Variants in ALDOB observed in about 807,000 individuals in gnomAD.
ALDOB encodes fructose-bisphosphate aldolase B.
ALDOB carries 39 observed loss-of-function variants against 41.0 expected under a neutral mutation model. That is an observed-to-expected ratio of 0.95 (90% CI 0.74 to 1.24). ALDOB has a LOEUF of 1.24. Ranked by LOEUF, ALDOB falls within the 50% of genes most tolerant of loss-of-function variation. The probability of loss-of-function intolerance (pLI) is 0.00; values close to 1 mark genes in which losing one functional copy is unlikely to be tolerated. For missense variants in ALDOB, 530 were observed against 457.3 expected, an observed-to-expected ratio of 1.16 and a Z score of -1.45; for synonymous variants, 175 against 168.8, an observed-to-expected ratio of 1.04 and a Z score of -0.28.
intron 4 of ALDOB, among the ~76,000 whole-genome samples, chr9:101,427,874 C>T (rs951511966): frequency 4.6e-5 from 7 of 152,080 alleles, no homozygotes; most frequent in Admixed American, 3.9e-4. Flanking sequence ...ATAGAAGAAA[C>T]CAATAGTTAA....
At chr9:101,429,313 A>G (rs921565252) in intron 3 of ALDOB, among the ~76,000 whole-genome samples, 6 of 151,804 alleles carry the variant, frequency 4.0e-5, no homozygotes, top group Admixed American at 3.3e-4. Flanking sequence ...ATGCACCAAC[A>G]CATCTGGCTA....
intron 2 of ALDOB, among the ~76,000 whole-genome samples, chr9:101,430,448 ATTTAAACTGAC>A (rs1351732923): frequency 7.2e-5 from 11 of 152,172 alleles, no homozygotes; most frequent in Non-Finnish European, 1.2e-4. Context: ...ACTCAACTGA[ATTTAAACTGAC>A]TTTAAACTGA....
intron 2 of ALDOB, among the ~76,000 whole-genome samples, chr9:101,430,177 T>C (rs1239606984): frequency 6.6e-6 from 1 of 152,288 alleles, no homozygotes; most frequent in East Asian, 1.9e-4. Flanking sequence ...GCTGGGCATA[T>C]AGAGGTCAGG....
rs139442303 is a variant in ALDOB, at chr9:101,427,493, T to G, written c.529A>C (p.Ile177Leu). The G allele has an allele frequency of 6.0e-5, 97 of 1,614,058 alleles. No individual in the cohort carries two copies. The highest frequency in any genetic ancestry group is 3.3e-4 in the Admixed American group (20 of 60,014). ...NANALARYAS[I>L]CQQNGLVPIV... ...GGAAGGCAGAGCACCTGCTGACAGA[T>G]GCTGGCGTAGCGAGCCAGGGCGTTG... Residue 177 changes from isoleucine to leucine, a missense_variant, in exon 5 of 9, where the codon ATC (isoleucine) becomes CTC (leucine). By Grantham distance (5) the Ile-to-Leu change is conservative (BLOSUM62 2). Coordinates refer to ENST00000647789, the MANE Select transcript of ALDOB (RefSeq NM_000035.4).
intron 8 of ALDOB, among the ~76,000 whole-genome samples, chr9:101,422,759 G>A (rs1297403560): frequency 1.3e-5 from 2 of 152,204 alleles, no homozygotes; most frequent in African/African-American, 4.8e-5. Flanking sequence ...TGGAAGAGAA[G>A]ATTTGGAATG....
Position 101,430,783 on chromosome 9 carries a change from T to C in ALDOB, c.105A>G (p.Glu35=), listed in dbSNP as rs770470240. The change falls in exon 2 of 9, where the codon GAA becomes GAG. Residue 35 remains glutamate, a synonymous_variant. Transcript: ENST00000647789. ...ANGKGILAAD[E]SVGTMGNRLQ... ...ACTGCTTTTTACACTCACCTACAGA[T>C]TCATCTGCAGCCAGGATCCCCTTTC... 27 of 1,612,052 alleles carry C rather than the reference T, an allele frequency of 1.7e-5. No homozygotes were observed. The highest frequency in any genetic ancestry group is 2.2e-5 in the Non-Finnish European group (26 of 1,178,166).
intron 8 of ALDOB, among the ~76,000 whole-genome samples, chr9:101,424,112 T>C (rs954078987): frequency 1.3e-5 from 2 of 152,250 alleles, no homozygotes; most frequent in African/African-American, 4.8e-5. Flanking sequence ...CATGTTATTA[T>C]TGGCCCTTTG....
Position 101,429,790 on chromosome 9 carries a change from T to A in ALDOB, c.289A>T (p.Ile97Phe), listed in dbSNP as rs771004498. 3.1e-6 allele frequency: 5 copies of A among 1,614,046 alleles called. No homozygotes were observed. The part of the protein sequence containing the change: ...KDSQGKLFRN[I>F]LKEKGIVVGI... The stretch of plus-strand genomic sequence containing the variant: ...ACCACGATCCCCTTTTCCTTGAGGA[T>A]GTTTCTGAACAGCTTTCCCTGGCTG... Residue 97 changes from isoleucine to phenylalanine, a missense_variant, in exon 3 of 9, where the codon ATC (isoleucine) becomes TTC (phenylalanine). Transcript: ENST00000647789.
chr9:101,430,476 A>G (rs1486927741), intron 2 of ALDOB, among the ~76,000 whole-genome samples: 2 of 152,120 alleles, frequency 1.3e-5, no homozygotes, highest in African/African-American at 4.8e-5. Flanking sequence ...CTGACTTCTC[A>G]CTAGTAGCAG....
chr9:101,425,563 T>TTTAGCA lies in ALDOB; in HGVS notation c.683_688dup (p.Leu229_Lys230insMetLeu), dbSNP rs1478306331. On this transcript the variant is annotated inframe_insertion, in exon 7 of 9. Coordinates refer to ENST00000647789, the MANE Select transcript of ALDOB (RefSeq NM_000035.4). ...ATGTCCAGCAGTCACCATGTTGGGCTTTAGCAGGGTGCCCTCCAGGTAAAC... is the reference window on the plus strand; with the variant it reads ...ATGTCCAGCAGTCACCATGTTGGGCTTTAGCATTAGCAGGGTGCCCTCCAGGTAAAC... 2 of 1,614,154 alleles carry TTTAGCA rather than the reference T, an allele frequency of 1.2e-6. No individual in the cohort carries two copies. Among genetic ancestry groups the TTTAGCA allele is most frequent in the Non-Finnish European group, 1.7e-6 (2 of 1,180,030 alleles).
At chr9:101,427,760 T>A in intron 4 of ALDOB, 118 bp from the exon 5 acceptor site, 1 of 1,244,252 alleles carries the variant, frequency 8.0e-7, no homozygotes, top group Non-Finnish European at 1.1e-6. Context: ...TGCTTGAGGA[T>A]TGAAAACAGC....
Position 101,428,519 on chromosome 9 carries a change from T to A in ALDOB, c.329A>T (p.Asp110Val), listed in dbSNP as rs1203633267. 2 of 1,613,706 alleles carry A rather than the reference T, an allele frequency of 1.2e-6. No homozygotes were observed. The highest frequency in any genetic ancestry group is 1.7e-6 in the Non-Finnish European group (2 of 1,179,576). The change falls in exon 4 of 9, where the codon GAC becomes GTC. Residue 110 changes from aspartate to valine, a missense_variant. Coordinates refer to ENST00000647789, the MANE Select transcript of ALDOB (RefSeq NM_000035.4). ...EKGIVVGIKL[D>V]QGGAPLAGTN... ...TCCTGCAAGAGGAGCACCTCCTTGG[T>A]CTAACTGTGGATACAAATAATTAAC...
chr9:101,426,277 T>C (rs949912971), intron 6 of ALDOB, among the ~76,000 whole-genome samples: 1 of 152,208 alleles, frequency 6.6e-6, no homozygotes, highest in Non-Finnish European at 1.5e-5. Context: ...TGTAATTGAA[T>C]TGAAGTCAAA....
At chr9:101,434,501 G>A (rs1434707494) in intron 1 of ALDOB, among the ~76,000 whole-genome samples, 1 of 152,180 alleles carries the variant, frequency 6.6e-6, no homozygotes, top group African/African-American at 2.4e-5. Context: ...CTATGTACAA[G>A]ACAAATGGAT....
chr9:101,435,137 C>T (rs916446679), intron 1 of ALDOB, among the ~76,000 whole-genome samples: 5 of 152,114 alleles, frequency 3.3e-5, no homozygotes, highest in Non-Finnish European at 7.3e-5. Context: ...CAAATGATGA[C>T]TATGCTCTGT....
At chr9:101,425,395 G>A (rs772207233) in intron 7 of ALDOB, 58 bp downstream of exon 7, 8 of 1,587,748 alleles carry the variant, frequency 5.0e-6, no homozygotes, top group Non-Finnish European at 6.9e-6. Flanking sequence ...CAGAAAGCTT[G>A]TGGCTCTCCA....
intron 2 of ALDOB, 77 bp from the exon 3 acceptor site, chr9:101,430,043 G>T: frequency 1.6e-6 from 2 of 1,241,556 alleles, no homozygotes; most frequent in East Asian, 4.6e-5. Flanking sequence ...TCATCTCAGA[G>T]ACCCTCACCA....
intron 7 of ALDOB, among the ~76,000 whole-genome samples, 169 bp downstream of exon 7, chr9:101,425,281 GGCA>G (rs1450927976): frequency 1.3e-5 from 2 of 152,156 alleles, no homozygotes; most frequent in African/African-American, 4.8e-5. Context: ...TGGGCATTTG[GGCA>G]GACTTGGGAT....
intron 8 of ALDOB, among the ~76,000 whole-genome samples, chr9:101,424,282 G>C (rs993046216): frequency 6.6e-6 from 1 of 152,136 alleles, no homozygotes; most frequent in Non-Finnish European, 1.5e-5. Flanking sequence ...AGCCAGGTAT[G>C]GTGGCGCATG....
Sources: allele counts gnomAD v4.1 joint callset (sites outside exome capture counted in the v4.1 genomes callset), GRCh38; gene constraint gnomAD v4.1.1; transcripts MANE v1.5; gene names NCBI Gene and HGNC (gene_info 2026-07-23, HGNC 2026-07-21).